MYO7A: variants seen among roughly 807,000 people sequenced by gnomAD.
The protein encoded by MYO7A is unconventional myosin-VIIa.
MYO7A carries 210 observed loss-of-function variants against 263.8 expected under a neutral mutation model. The ratio of observed to expected loss-of-function variants is 0.80; its 90% CI spans 0.71 to 0.89. The LOEUF is 0.89. MYO7A is among the 40% of genes least tolerant of loss of function. The pLI is 0.00. For missense variants in MYO7A, 2,820 were observed against 2,968.3 expected, an observed-to-expected ratio of 0.95 and a Z score of 1.16; for synonymous variants, 1,239 against 1,197.3, an observed-to-expected ratio of 1.03 and a Z score of -0.72.
intron 11 of MYO7A, 31 bp from the exon 12 acceptor site, chr11:77,160,942 C>T: frequency 6.3e-7 from 1 of 1,579,450 alleles, no homozygotes; most frequent in Non-Finnish European, 8.6e-7. Flanking sequence ...GAGGGTGTGG[C>T]TGGTGCCAGT....
intron 2 of MYO7A, among the ~76,000 whole-genome samples, chr11:77,140,342 A>C (rs558926671): frequency 1.3e-5 from 2 of 152,276 alleles, no homozygotes; most frequent in East Asian, 3.9e-4. Flanking sequence ...AGTGAGCTGC[A>C]TGTGGGACTG....
intron 2 of MYO7A, chr11:77,139,386 T>G (rs1213445397): frequency 6.6e-6 from 1 of 152,120 alleles, no homozygotes; most frequent in African/African-American, 2.4e-5. Flanking sequence ...TCTGCCCTGG[T>G]CATATATTTG....
rs189568942 is a variant in MYO7A at position 77,162,483 on chromosome 11, A to G, written c.1554+153A>G. ...GCCAATTCAAGTATAGGCATCTGCC[A>G]TTTGGGAATCACCTACAGTCCATGG... On this transcript the variant is annotated intron_variant, in intron 13 of 48. Coordinates refer to ENST00000409709, the MANE Select transcript of MYO7A (RefSeq NM_000260.4). Among the ~76,000 whole-genome samples, 6 of 152,244 alleles carry G rather than the reference A, an allele frequency of 3.9e-5. No individual in the cohort carries two copies. In the East Asian group the frequency reaches 1.2e-3, roughly 29 times the overall value.
At chr11:77,189,048 T>TGGCTGC (rs1955837808) in intron 27 of MYO7A, among the ~76,000 whole-genome samples, 1 of 152,178 alleles carries the variant, frequency 6.6e-6, no homozygotes, top group Admixed American at 6.5e-5. Flanking sequence ...CCTGTGGCTG[T>TGGCTGC]GGCTGCGGCT....
At position 77,203,181 on chromosome 11, in the gene MYO7A, G is replaced by C; in HGVS notation, c.5290G>C (p.Glu1764Gln). 6.4e-7 allele frequency: 1 copy of C among 1,552,450 alleles called. No homozygotes were observed. The highest frequency in any genetic ancestry group is 8.7e-7 in the Non-Finnish European group (1 of 1,148,812). ...QALLKKLLGS[E>Q]ELSQEACLAF... ...GCTGCTCAAGAAGCTCCTGGGCAGT[G>C]AGGAGCTCTCGCAGGAGGCCTGCCT... The change falls in exon 38 of 49, where the codon GAG becomes CAG. Residue 1764 changes from glutamate to glutamine, a missense_variant. Physicochemically the swap from Glu to Gln is conservative, Grantham distance 29 (BLOSUM62 2). Coordinates refer to ENST00000409709, the MANE Select transcript of MYO7A (RefSeq NM_000260.4).
chr11:77,187,478 A>G (rs1421363272), intron 27 of MYO7A, among the ~76,000 whole-genome samples: 1 of 152,188 alleles, frequency 6.6e-6, no homozygotes, highest in Non-Finnish European at 1.5e-5. Flanking sequence ...TTTGATCATC[A>G]TCATCCAACA....
In MYO7A at chr11:77,214,742, A is replaced by G. The variant is rs1220329478; in HGVS notation, c.*46A>G. Reference sequence around the variant, plus strand: ...GTTCCATGCCTGCTCTCGAGGCAGCAGTGGGTTCAGGCCCATCAGCTACCC... The same window carrying G: ...GTTCCATGCCTGCTCTCGAGGCAGCGGTGGGTTCAGGCCCATCAGCTACCC... On this transcript the variant is annotated 3_prime_UTR_variant, in exon 49 of 49. Transcript: ENST00000409709. The G allele has an allele frequency of 2.1e-6, 3 of 1,444,286 alleles. No homozygotes were observed. Among genetic ancestry groups the G allele is most frequent in the East Asian group, 2.5e-5 (1 of 40,464 alleles). 89.5% of individuals were successfully genotyped at this position (1,444,286 alleles called of 1,614,324 possible).
At chr11:77,161,296 G>A (rs1555068666) in intron 12 of MYO7A, among the ~76,000 whole-genome samples, 181 bp downstream of exon 12, 4 of 152,254 alleles carry the variant, frequency 2.6e-5, no homozygotes, top group African/African-American at 9.6e-5. Context: ...ACCTCCTCAA[G>A]GTCAGCTGAG....
chr11:77,131,633 G>A (rs1442968329), intron 2 of MYO7A, among the ~76,000 whole-genome samples: 1 of 152,144 alleles, frequency 6.6e-6, no homozygotes, highest in Admixed American at 6.5e-5. Flanking sequence ...AGCCCTCCAG[G>A]GGCGTCCTCC....
At chr11:77,208,959 G>A (rs891570405) in intron 44 of MYO7A, 156 bp downstream of exon 44, 302 of 629,622 alleles carry the variant, frequency 4.8e-4, no homozygotes, top group Non-Finnish European at 5.8e-4. Flanking sequence ...CCCAAGGGAT[G>A]GCCCAACCCC....
intron 4 of MYO7A, among the ~76,000 whole-genome samples, chr11:77,151,543 C>G (rs1305596865): frequency 5.9e-5 from 9 of 152,104 alleles, no homozygotes; most frequent in Admixed American, 5.9e-4. Flanking sequence ...CTCAGAGAGG[C>G]CCCCTGAGCT....
At chr11:77,156,569 G>A (rs546766542) in intron 5 of MYO7A, 91 bp from the exon 6 acceptor site, 39 of 1,558,364 alleles carry the variant, frequency 2.5e-5, no homozygotes, top group Non-Finnish European at 3.1e-5. Flanking sequence ...ACAGATGGGG[G>A]AGCTGGTGGA....
intron 6 of MYO7A, 38 bp from the exon 7 acceptor site, chr11:77,156,824 G>A (rs372854761): frequency 1.5e-5 from 24 of 1,613,976 alleles, no homozygotes; most frequent in Non-Finnish European, 1.9e-5. Flanking sequence ...AGTGGGGCGG[G>A]AGCGGGCTTT....
At chr11:77,158,174 G>C (rs1555065305) in intron 8 of MYO7A, 103 bp from the exon 9 acceptor site, 10 of 1,355,422 alleles carry the variant, frequency 7.4e-6, no homozygotes, top group Non-Finnish European at 9.7e-6. Flanking sequence ...GGCTGGCCTG[G>C]CCTGTCAGGC....
At position 77,131,552 on chromosome 11, in the gene MYO7A, A is replaced by T. The variant is rs1016283031; in HGVS notation, c.18+900A>T. Among the ~76,000 whole-genome samples the T allele has an allele frequency of 3.3e-5, 5 of 152,182 alleles. No homozygotes were observed. The South Asian group carries it at 6.2e-4, about 19-fold the overall frequency. ...GAGCCTGTTCAAACGCCCATTAGAG[A>T]TGGGCAGGATCTAGGAGAGGAAAAG... On this transcript the variant is annotated intron_variant, in intron 2 of 48. Coordinates refer to ENST00000409709, the MANE Select transcript of MYO7A (RefSeq NM_000260.4).
In MYO7A at chr11:77,208,764, G is replaced by A. The variant is rs955731671; in HGVS notation, c.6012G>A (p.Gly2004=). 15 of 1,579,874 alleles carry A rather than the reference G, an allele frequency of 9.5e-6. No homozygotes were observed. The highest frequency in any genetic ancestry group is 1.3e-5 in the Non-Finnish European group (15 of 1,162,886). Residue 2004 remains glycine, a synonymous_variant, in exon 44 of 49, where the codon GGG becomes GGA. Coordinates refer to ENST00000409709, the MANE Select transcript of MYO7A (RefSeq NM_000260.4). ...AGCTGTGGACCACCACGGTGCCAGGGAAGGATCCCATGGCCGATTCCATCT... is the reference window on the plus strand; with the variant it reads ...AGCTGTGGACCACCACGGTGCCAGGAAAGGATCCCATGGCCGATTCCATCT... The part of the protein sequence containing the change: ...MKKLWTTTVP[G]KDPMADSIFH...
At chr11:77,157,706 A>G (rs940738632) in intron 8 of MYO7A, among the ~76,000 whole-genome samples, 3 of 152,294 alleles carry the variant, frequency 2.0e-5, no homozygotes, top group Admixed American at 2.0e-4. Context: ...AGTGTGGGCT[A>G]TGGCACCTGA....
chr11:77,148,202 G>C (rs1591228080), intron 4 of MYO7A, among the ~76,000 whole-genome samples: 1 of 152,236 alleles, frequency 6.6e-6, no homozygotes, highest in Non-Finnish European at 1.5e-5. Context: ...TTTGTACTAC[G>C]CAGTTTTCAT....
At chr11:77,188,213 T>C (rs1462714273) in intron 27 of MYO7A, among the ~76,000 whole-genome samples, 2 of 152,160 alleles carry the variant, frequency 1.3e-5, no homozygotes, top group Admixed American at 1.3e-4. Context: ...CAGCTGCAGG[T>C]GATAATATCT....
Sources: gnomAD v4.1 joint callset for allele counts (sites outside exome capture counted in the v4.1 genomes callset) on GRCh38, gnomAD v4.1.1 for gene constraint, MANE v1.5 for transcripts, NCBI Gene and HGNC (gene_info 2026-07-23, HGNC 2026-07-21) for gene names.